RBM47: variants seen among roughly 807,000 people sequenced by gnomAD.
RBM47 encodes RNA binding motif protein 47.
A neutral mutation model predicts 47.1 loss-of-function variants in RBM47; 21 were observed. The observed-to-expected ratio is 0.45, with a 90% CI of 0.32 to 0.64. The LOEUF is 0.64. Among genes scored for constraint, RBM47 ranks in the 30% least tolerant of loss-of-function variants. RBM47 has a pLI of 0.05. For missense variants in RBM47, 708 were observed against 870.9 expected (o/e 0.81, Z 2.35); for synonymous variants, 375 against 361.7 (o/e 1.04, Z -0.42).
Position 40,423,652 on chromosome 4 carries a change from T to TTCTCTTTCTTTC in RBM47, c.*2251_*2252insGAAAGAAAGAGA, listed in dbSNP as rs1324992772. ...TCATTTTTTTTTATTCTTTCTTTCT[T>TTCTCTTTCTTTC]TTTCTTTCTTTCTTTCTTTCTTTCT... On this transcript the variant is annotated 3_prime_UTR_variant, in exon 7 of 7. Coordinates refer to ENST00000295971, the MANE Select transcript of RBM47 (RefSeq NM_001098634.2). 1 of 129,168 alleles carries TTCTCTTTCTTTC rather than the reference T, an allele frequency of 7.7e-6. No homozygotes were observed. The highest frequency in any genetic ancestry group is 1.6e-5 in the Non-Finnish European group (1 of 61,352). The allele number at this position is 129,168 out of a possible 1,614,324, so 8.0% of individuals were successfully genotyped here.
intron 5 of RBM47, 87 bp downstream of exon 5, chr4:40,436,354 G>A: frequency 1.5e-6 from 2 of 1,320,326 alleles, no homozygotes; most frequent in East Asian, 2.3e-5. Context: ...GCAGATGTGA[G>A]AGCCTGAAAA....
chr4:40,600,999 A>AAAAAAAAAGAAAG (rs1338188731), intron 1 of RBM47, among the ~76,000 whole-genome samples: 2 of 147,284 alleles, frequency 1.4e-5, no homozygotes, highest in African/African-American at 5.3e-5. Flanking sequence ...AAAAAAAAAA[A>AAAAAAAAAGAAAG]AAAGAAAGAA....
At chr4:40,461,936 CAAAAA>C (rs34793166) in intron 3 of RBM47, among the ~76,000 whole-genome samples, 1 of 127,736 alleles carries the variant, frequency 7.8e-6, no homozygotes. Flanking sequence ...AACTCCGTCT[CAAAAA>C]AAAAAAAAAA....
At chr4:40,484,202 T>C (rs1720791228) in intron 2 of RBM47, among the ~76,000 whole-genome samples, 1 of 152,222 alleles carries the variant, frequency 6.6e-6, no homozygotes, top group African/African-American at 2.4e-5. Flanking sequence ...ACAGTGGTCG[T>C]CTCTGGAGAG....
chr4:40,459,761 A>G (rs1716829158), intron 3 of RBM47, among the ~76,000 whole-genome samples: 1 of 151,836 alleles, frequency 6.6e-6, no homozygotes, highest in African/African-American at 2.4e-5. Flanking sequence ...TTTTTTTGAG[A>G]CAGAGTTTCA....
chr4:40,448,090 G>A (rs990174203), intron 3 of RBM47, among the ~76,000 whole-genome samples: 2 of 152,086 alleles, frequency 1.3e-5, no homozygotes, highest in African/African-American at 4.8e-5. Context: ...TCAGCTACTC[G>A]GGAGGCTGAG....
rs1738076317 is a variant in RBM47 at position 40,629,858 on chromosome 4, C to T, written c.-702G>A. 1 of 152,218 alleles carries T rather than the reference C, an allele frequency of 6.6e-6. No homozygotes were observed. Among genetic ancestry groups the T allele is most frequent in the South Asian group, 2.1e-4 (1 of 4,836 alleles). The allele number at this position is 152,218 out of a possible 1,614,324, so 9.4% of individuals were successfully genotyped here. A position where few individuals can be genotyped will look rare whatever the true frequency, so the allele number is the denominator to read the frequency against. On this transcript the variant is annotated 5_prime_UTR_variant, in exon 1 of 7. Coordinates refer to ENST00000295971, the MANE Select transcript of RBM47 (RefSeq NM_001098634.2). ...CGCTGCGCACGGGAGCGCTCAGCGT[C>T]TAGTCTGCGGGCCCTTCCCGGTTCC...
chr4:40,523,713 A>C (rs1330084775), intron 2 of RBM47, among the ~76,000 whole-genome samples: 1 of 151,872 alleles, frequency 6.6e-6, no homozygotes, highest in Non-Finnish European at 1.5e-5. Flanking sequence ...AAAATACCAA[A>C]AATTAGTCAG....
intron 6 of RBM47, chr4:40,427,143 C>T (rs762322344): frequency 3.9e-5 from 6 of 152,142 alleles, no homozygotes; most frequent in Admixed American, 6.5e-5. Flanking sequence ...AAAATTGTGA[C>T]CATACACAAT....
At chr4:40,580,117 G>A (rs1220681750) in intron 1 of RBM47, among the ~76,000 whole-genome samples, 1 of 151,864 alleles carries the variant, frequency 6.6e-6, no homozygotes, top group African/African-American at 2.4e-5. Context: ...AAATATCCTG[G>A]ACCTCTCACC....
In RBM47 at chr4:40,607,841, G is replaced by A. The variant is rs181158039; in HGVS notation, c.-240+21555C>T. On this transcript the variant is annotated intron_variant, in intron 1 of 6. Coordinates refer to ENST00000295971, the MANE Select transcript of RBM47 (RefSeq NM_001098634.2). ...AATTTTCAGCCAGGCGCGGTGTCTCGTGCCTGTAATCCTAGCACTTTGGGA... is the reference window on the plus strand; with the variant it reads ...AATTTTCAGCCAGGCGCGGTGTCTCATGCCTGTAATCCTAGCACTTTGGGA... Among the ~76,000 whole-genome samples, 330 of 152,154 alleles carry A rather than the reference G, an allele frequency of 2.2e-3. 2 individuals are homozygous for A. The highest frequency in any genetic ancestry group is 7.7e-3 in the South Asian group (37 of 4,816).
chr4:40,564,688 C>CA (rs998384932), intron 1 of RBM47, among the ~76,000 whole-genome samples: 3 of 152,068 alleles, frequency 2.0e-5, no homozygotes, highest in East Asian at 1.9e-4. Flanking sequence ...TTTTAGAATA[C>CA]AAAAAAATCA....
chr4:40,572,688 C>T (rs778632381), intron 1 of RBM47, among the ~76,000 whole-genome samples: 18 of 151,840 alleles, frequency 1.2e-4, no homozygotes, highest in Non-Finnish European at 2.4e-4. Context: ...CACTTAAGAC[C>T]AGCCTGGTCA....
chr4:40,426,323 G>C lies in RBM47; in HGVS notation c.1543-180C>G, dbSNP rs376319414. 2.5e-5 allele frequency: 19 copies of C among 751,448 alleles called. No homozygotes were observed. In the African/African-American group the frequency reaches 3.2e-4, roughly 13 times the overall value. 46.5% of individuals were successfully genotyped at this position (751,448 alleles called of 1,614,324 possible). A position where few individuals can be genotyped will look rare whatever the true frequency, so the allele number is the denominator to read the frequency against. On this transcript the variant is annotated intron_variant, in intron 6 of 6. Coordinates refer to ENST00000295971, the MANE Select transcript of RBM47 (RefSeq NM_001098634.2). ...AAGTGGGAGAAGAGCCACTGAAGAG[G>C]TAAGGTGGAGCTGCATCCTCAAACT...
At chr4:40,624,023 T>C (rs1400260942) in intron 1 of RBM47, among the ~76,000 whole-genome samples, 1 of 152,152 alleles carries the variant, frequency 6.6e-6, no homozygotes, top group Admixed American at 6.5e-5. Flanking sequence ...GGCTAATTTT[T>C]GTATTTTTTG....
chr4:40,514,851 C>A (rs1310248975), intron 2 of RBM47: 1 of 152,142 alleles, frequency 6.6e-6, no homozygotes, highest in African/African-American at 2.4e-5. Context: ...AGCGTTAGAG[C>A]GATTTTTTTA....
intron 1 of RBM47, among the ~76,000 whole-genome samples, chr4:40,582,808 T>C (rs763192658): frequency 7.2e-5 from 11 of 152,154 alleles, no homozygotes; most frequent in Admixed American, 3.9e-4. Context: ...AACCATTCAA[T>C]TGTCACCTCC....
At chr4:40,440,979 C>T (rs994472520) in intron 3 of RBM47, among the ~76,000 whole-genome samples, 40 of 152,058 alleles carry the variant, frequency 2.6e-4, no homozygotes, top group African/African-American at 8.9e-4. Context: ...ATCTGTTACA[C>T]GTGGCTTCTA....
intron 2 of RBM47, among the ~76,000 whole-genome samples, chr4:40,499,154 T>C (rs192212510): frequency 5.1e-4 from 78 of 152,306 alleles, no homozygotes; most frequent in African/African-American, 1.5e-3. Context: ...GATGGGTATA[T>C]TGGAATTTGT....
Sources: gnomAD v4.1 joint callset for allele counts (sites outside exome capture counted in the v4.1 genomes callset) on GRCh38, gnomAD v4.1.1 for gene constraint, MANE v1.5 for transcripts, NCBI Gene and HGNC (gene_info 2026-07-23, HGNC 2026-07-21) for gene names.